The following TRIM25 variants were observed in gnomAD, a reference collection of about 807,000 sequenced individuals.
The protein encoded by TRIM25 is tripartite motif containing 25.
TRIM25 carries 45 observed loss-of-function variants against 65.2 expected under a neutral mutation model. That is an observed-to-expected ratio of 0.69 (90% CI 0.54 to 0.89). TRIM25 has a LOEUF of 0.89. Among genes scored for constraint, TRIM25 ranks in the 40% least tolerant of loss-of-function variants. The pLI is 0.00. For missense variants in TRIM25, 714 were observed against 803.7 expected, an observed-to-expected ratio of 0.89 and a Z score of 1.35; for synonymous variants, 321 against 340.4, an observed-to-expected ratio of 0.94 and a Z score of 0.63.
intron 2 of TRIM25, among the ~76,000 whole-genome samples, chr17:56,907,042 G>T (rs537979197): frequency 3.9e-5 from 6 of 152,318 alleles, no homozygotes; most frequent in Non-Finnish European, 7.3e-5. Flanking sequence ...AAAATTGCTT[G>T]TTGTCCTCCA....
intron 5 of TRIM25, among the ~76,000 whole-genome samples, chr17:56,898,183 G>A (rs1395234458): frequency 1.3e-5 from 2 of 152,124 alleles, no homozygotes; most frequent in Non-Finnish European, 2.9e-5. Context: ...GGACATCTCA[G>A]CGATATATGA....
chr17:56,913,482 G>C lies in TRIM25; in HGVS notation c.507C>G (p.Pro169=), dbSNP rs140566309. 3.3e-5 allele frequency: 54 copies of C among 1,613,138 alleles called. No individual in the cohort carries two copies. Among genetic ancestry groups the C allele is most frequent in the Non-Finnish European group, 3.9e-5 (46 of 1,179,574 alleles). The change falls in exon 1 of 9, where the codon CCC becomes CCG. Residue 169 remains proline (P), a synonymous_variant. Coordinates refer to ENST00000316881, the MANE Select transcript of TRIM25 (RefSeq NM_005082.5). This position sits in a 1 kb window ranked among gnomAD's most constrained non-coding sequence, Gnocchi z 6.1. ...QHNRLREFFC[P]EHSECICHIC... ...TGTGGCAGATGCACTCGCTGTGCTC[G>C]GGGCAGAAAAATTCCCGCAGCCGAT...
chr17:56,907,404 C>G (rs894197139), intron 2 of TRIM25, among the ~76,000 whole-genome samples: 1 of 152,132 alleles, frequency 6.6e-6, no homozygotes, highest in African/African-American at 2.4e-5. Context: ...AATTGGGAAA[C>G]GAAGGTTCAA....
At chr17:56,896,390 A>C (rs1479097050) in intron 5 of TRIM25, among the ~76,000 whole-genome samples, 1 of 151,900 alleles carries the variant, frequency 6.6e-6, no homozygotes, top group Non-Finnish European at 1.5e-5. Flanking sequence ...ATGGTGGCTC[A>C]TGCCTGGAAT....
chr17:56,899,947 CTCACGCCTGTAATCCCAGCA>C (rs1205948785), intron 4 of TRIM25, among the ~76,000 whole-genome samples: 8 of 152,344 alleles, frequency 5.3e-5, no homozygotes, highest in Middle Eastern at 6.8e-3. Flanking sequence ...GGCCCGGTGG[CTCACGCCTGTAATCCCAGCA>C]TTTTGGGAGG....
rs754297124 is a variant in TRIM25 at position 56,895,536 on chromosome 17, G to T, written c.1249C>A (p.Gln417Lys). The change falls in exon 7 of 9, where the codon CAA becomes AAA. Residue 417 changes from glutamine (Q) to lysine (K), a missense_variant. Gln to Lys is a moderately conservative substitution (Grantham distance 53). This residue lies in a region of TRIM25 where 413 missense variants were observed against 498.2 expected (regional missense o/e 0.83). Coordinates refer to ENST00000316881, the MANE Select transcript of TRIM25 (RefSeq NM_005082.5). ...GAPEQLVDLK[Q>K]AGLEAAAKAT... is the part of the protein sequence containing the mutation. The stretch of plus-strand genomic sequence containing the variant: ...GATAACTTACCCTCCAAGCCAGCTT[G>T]TTTTAAATCCACTAACTGTTCCGGG... 6.2e-6 allele frequency: 10 copies of T among 1,607,024 alleles called. No individual in the cohort carries two copies. The African/African-American group carries it at 1.2e-4, about 19-fold the overall frequency.
chr17:56,909,898 C>A lies in TRIM25; in HGVS notation c.598-1335G>T, dbSNP rs561225235. The stretch of plus-strand genomic sequence containing the variant: ...ACAGAAATGGGAAGGAAAATCACCA[C>A]CACCATAACAGCAGCAGCCAGTATT... On this transcript the variant is annotated intron_variant, in intron 1 of 8. Coordinates refer to ENST00000316881, the MANE Select transcript of TRIM25 (RefSeq NM_005082.5). Among the ~76,000 whole-genome samples, 16 of 152,282 alleles carry A rather than the reference C, an allele frequency of 1.1e-4. No homozygotes were observed. The South Asian group carries it at 3.3e-3, about 32-fold the overall frequency.
chr17:56,909,986 A>G (rs1472436582), intron 1 of TRIM25, among the ~76,000 whole-genome samples: 1 of 152,142 alleles, frequency 6.6e-6, no homozygotes, highest in East Asian at 1.9e-4. Flanking sequence ...ACTTACTTAA[A>G]GCTAAGAACA....
At chr17:56,902,207 G>A (rs1909426671) in intron 3 of TRIM25, among the ~76,000 whole-genome samples, 1 of 152,162 alleles carries the variant, frequency 6.6e-6, no homozygotes, top group South Asian at 2.1e-4. Context: ...CACGCATCAG[G>A]CCTCAGTGCA....
rs116688968 is a variant in TRIM25 at position 56,897,944 on chromosome 17, G to A, written c.1153+1171C>T. On this transcript the variant is annotated intron_variant, in intron 5 of 8. Coordinates refer to ENST00000316881, the MANE Select transcript of TRIM25 (RefSeq NM_005082.5). ...CCTGACTCTGTTCCATTCGGGGACC[G>A]ATACCACACTCTGCCTGCTACAGGT... Among the ~76,000 whole-genome samples the A allele has an allele frequency of 9.1e-3, 1,384 of 152,298 alleles. 27 individuals are homozygous for A. Among genetic ancestry groups the A allele is most frequent in the African/African-American group, 0.032 (1,314 of 41,552 alleles).
Position 56,904,455 on chromosome 17 carries a change from G to C in TRIM25, c.727C>G (p.Gln243Glu). Residue 243 changes from glutamine to glutamate, a missense_variant, in exon 3 of 9, where the codon CAA (glutamine) becomes GAA (glutamate). Physicochemically the swap from Gln to Glu is conservative, Grantham distance 29. Around this residue, in one of 3 missense-constraint regions of TRIM25, gnomAD observed 413 missense variants for 498.2 expected, o/e 0.83. Coordinates refer to ENST00000316881, the MANE Select transcript of TRIM25 (RefSeq NM_005082.5). ...AGAGCCTTCATTTCCGTGTATTCTT[G>C]TTGTAGCTGCTCCACCTTTCTGTTT... ...TANRKVEQLQQEYTEMKALLD... is the reference protein window; with the variant it reads ...TANRKVEQLQEEYTEMKALLD... 1.3e-5 allele frequency: 21 copies of C among 1,614,166 alleles called. No homozygotes were observed. The highest frequency in any genetic ancestry group is 1.8e-5 in the Non-Finnish European group (21 of 1,180,040).
chr17:56,910,022 C>T lies in TRIM25; in HGVS notation c.598-1459G>A, dbSNP rs372778469. ...ACACTATGAGGTAGGAATTACCCAG[C>T]CTTTACAGACAAGGACACTGAGGCA... On this transcript the variant is annotated intron_variant, in intron 1 of 8. Transcript: ENST00000316881. 1.4e-3 allele frequency among the ~76,000 whole-genome samples: 216 copies of T among 152,256 alleles called. 3 individuals carry two copies. The South Asian group carries it at 0.043, about 30-fold the overall frequency.
intron 4 of TRIM25, among the ~76,000 whole-genome samples, chr17:56,900,259 T>G (rs1338130116): frequency 1.3e-5 from 2 of 151,986 alleles, no homozygotes; most frequent in African/African-American, 4.8e-5. Flanking sequence ...TGATGGTGTG[T>G]ATCTATAGTC....
In TRIM25 at chr17:56,888,362, G is replaced by A. The variant is rs1041949067; in HGVS notation, c.*3338C>T. 4 of 152,152 alleles carry A rather than the reference G, an allele frequency of 2.6e-5. No individual in the cohort carries two copies. Among genetic ancestry groups the A allele is most frequent in the African/African-American group, 9.7e-5 (4 of 41,414 alleles). The allele number at this position is 152,152 out of a possible 1,614,324, so 9.4% of individuals were successfully genotyped here. A position where few individuals can be genotyped will look rare whatever the true frequency, so the allele number is the denominator to read the frequency against. ...CAAGGACTGAAAGTCTCCCTCCCAGGAAGCAGGGACAAAGGCCAGTTCAAT... is the reference window on the plus strand; with the variant it reads ...CAAGGACTGAAAGTCTCCCTCCCAGAAAGCAGGGACAAAGGCCAGTTCAAT... On this transcript the variant is annotated 3_prime_UTR_variant, in exon 9 of 9. Transcript: ENST00000316881.
intron 5 of TRIM25, 25 bp downstream of exon 5, chr17:56,899,090 T>G (rs771849144): frequency 1.2e-5 from 20 of 1,613,180 alleles, no homozygotes; most frequent in Middle Eastern, 1.6e-4. Context: ...GCTGTTGCCA[T>G]GGAGACAGGG....
At chr17:56,897,948 CCA>C (rs1264860257) in intron 5 of TRIM25, among the ~76,000 whole-genome samples, 1 of 152,210 alleles carries the variant, frequency 6.6e-6, no homozygotes, top group Non-Finnish European at 1.5e-5. Context: ...GGGACCGATA[CCA>C]CACTCTGCCT....
intron 2 of TRIM25, among the ~76,000 whole-genome samples, chr17:56,905,391 CAA>C (rs1003595768): frequency 2.6e-5 from 4 of 151,932 alleles, no homozygotes; most frequent in African/African-American, 9.7e-5. Context: ...TAAAACAAAA[CAA>C]AAAGTCAGGA....
At chr17:56,908,669 C>T (rs1318536804) in intron 1 of TRIM25, 106 bp from the exon 2 acceptor site, 9 of 1,170,662 alleles carry the variant, frequency 7.7e-6, no homozygotes, top group Non-Finnish European at 1.1e-5. Context: ...TCTTCCACTC[C>T]ACCCAAGTCT....
Position 56,912,011 on chromosome 17 carries a change from A to C in TRIM25, c.597+1381T>G, listed in dbSNP as rs1327420620. 5 of 152,436 alleles carry C rather than the reference A, an allele frequency of 3.3e-5. No homozygotes were observed. In the East Asian group the frequency reaches 9.6e-4, roughly 29 times the overall value. The allele number at this position is 152,436 out of a possible 1,614,324, so 9.4% of individuals were successfully genotyped here. On this transcript the variant is annotated intron_variant, in intron 1 of 8. Coordinates refer to ENST00000316881, the MANE Select transcript of TRIM25 (RefSeq NM_005082.5). ...GAGGCCGGAAGTTCAAGAACATCCTAGGCAACATAGCAAGACCCTGTCTCT... is the reference window on the plus strand; with the variant it reads ...GAGGCCGGAAGTTCAAGAACATCCTCGGCAACATAGCAAGACCCTGTCTCT...
Sources: gnomAD v4.1 joint callset for allele counts (sites outside exome capture counted in the v4.1 genomes callset) on GRCh38, gnomAD v4.1.1 for gene constraint, gnomAD v4.1.1 regional missense constraint, Gnocchi (gnomAD v3.1) non-coding constraint, MANE v1.5 for transcripts, NCBI Gene and HGNC (gene_info 2026-07-23, HGNC 2026-07-21) for gene names.